YEATS2: variants seen among roughly 807,000 people sequenced by gnomAD.
The protein encoded by YEATS2 is YEATS domain-containing protein 2.
In YEATS2, 77 loss-of-function variants were observed where a neutral mutation model predicts 163.2. The observed-to-expected ratio is 0.47, with a 90% CI of 0.39 to 0.57. The LOEUF (loss-of-function observed/expected upper bound fraction) is 0.57. YEATS2 is among the 20% of genes least tolerant of loss of function. The pLI is 0.00. For missense variants in YEATS2, 1,549 were observed against 1,729.8 expected, an observed-to-expected ratio of 0.90 and a Z score of 1.85; for synonymous variants, 631 against 645.1, an observed-to-expected ratio of 0.98 and a Z score of 0.33.
Position 183,772,396 on chromosome 3 carries a change from G to A in YEATS2, c.2039G>A (p.Ser680Asn), listed in dbSNP as rs1162336466. The A allele has an allele frequency of 1.9e-6, 3 of 1,614,106 alleles. No homozygotes were observed. Among genetic ancestry groups the A allele is most frequent in the African/African-American group, 2.7e-5 (2 of 74,934 alleles). ...GGCCAGATCCTGGTAGCCAAGGCCA[G>A]CTCTTCTGTCTCCAAAGCAGTTGGG... ...SGGQILVAKA[S>N]SSVSKAVGPK... Residue 680 changes from serine to asparagine, a missense_variant, in exon 16 of 31, where the codon AGC (serine) becomes AAC (asparagine). Coordinates refer to ENST00000305135, the MANE Select transcript of YEATS2 (RefSeq NM_018023.5).
intron 6 of YEATS2, 84 bp downstream of exon 6, chr3:183,724,615 A>AG (rs1460397612): frequency 1.1e-6 from 1 of 937,392 alleles, no homozygotes; most frequent in Non-Finnish European, 1.6e-6. Context: ...TACAGTAGGA[A>AG]GCAGCCTCAG....
intron 8 of YEATS2, among the ~76,000 whole-genome samples, chr3:183,743,543 A>G (rs1232082746): frequency 6.6e-6 from 1 of 151,618 alleles, no homozygotes; most frequent in East Asian, 1.9e-4. Flanking sequence ...TTTTTTTTCC[A>G]CTGTGTTGCC....
intron 9 of YEATS2, among the ~76,000 whole-genome samples, chr3:183,751,208 T>A (rs990789331): frequency 6.6e-6 from 1 of 152,208 alleles, no homozygotes; most frequent in Admixed American, 6.5e-5. Context: ...TACTGTCTTT[T>A]CCCCCACTGA....
At chr3:183,740,253 A>G (rs1718804281) in intron 8 of YEATS2, among the ~76,000 whole-genome samples, 1 of 151,982 alleles carries the variant, frequency 6.6e-6, no homozygotes, top group African/African-American at 2.4e-5. Context: ...ACTCAAATTT[A>G]CAAGAAAAAA....
chr3:183,773,832 G>A (rs1180266290), intron 17 of YEATS2, 38 bp downstream of exon 17: 5 of 1,576,860 alleles, frequency 3.2e-6, no homozygotes, highest in Non-Finnish European at 4.3e-6. Context: ...TTGGTTCTTG[G>A]TTCTCTATGT....
intron 15 of YEATS2, 106 bp downstream of exon 15, chr3:183,762,385 T>G (rs1721458904): frequency 1.3e-5 from 18 of 1,360,844 alleles, no homozygotes; most frequent in Non-Finnish European, 1.7e-5. Flanking sequence ...GATGATCCCA[T>G]AAGAACCTGT....
At chr3:183,709,160 C>T (rs74712515) in intron 1 of YEATS2, among the ~76,000 whole-genome samples, 2,753 of 140,610 alleles carry the variant, frequency 0.02, 79 homozygotes, top group East Asian at 0.15. Flanking sequence ...GACTCTGTCT[C>T]AAAAAAAAAA....
chr3:183,725,834 T>C (rs1437582192), intron 6 of YEATS2, among the ~76,000 whole-genome samples: 5 of 152,226 alleles, frequency 3.3e-5, no homozygotes, highest in Non-Finnish European at 7.3e-5. Flanking sequence ...ACCTATTTCC[T>C]GTTCTTTTCT....
chr3:183,737,596 G>A (rs1415556071), intron 8 of YEATS2, among the ~76,000 whole-genome samples: 3 of 152,198 alleles, frequency 2.0e-5, no homozygotes, highest in African/African-American at 7.2e-5. Context: ...TTTCTATAAA[G>A]TGGGGCAAAT....
chr3:183,720,736 C>T (rs778029045), intron 4 of YEATS2, among the ~76,000 whole-genome samples: 4 of 152,072 alleles, frequency 2.6e-5, no homozygotes, highest in Admixed American at 6.6e-5. Context: ...TGTAAAAGGA[C>T]GGGTTTATTA....
rs1328539744 is a variant in YEATS2 at position 183,739,025 on chromosome 3, TAA to T, written c.924+2199_924+2200del. The stretch of plus-strand genomic sequence containing the variant: ...CTAGTTTACAGTCCCACCAACAGTG[TAA>T]AAGTGTTCCTATTTCTCCACATCCT... On this transcript the variant is annotated intron_variant, in intron 8 of 30. Coordinates refer to ENST00000305135, the MANE Select transcript of YEATS2 (RefSeq NM_018023.5). 4.9e-5 allele frequency among the ~76,000 whole-genome samples: 7 copies of T among 142,844 alleles called. No homozygotes were observed. In the South Asian group the frequency reaches 1.7e-3, roughly 34 times the overall value. The allele number at this position is 142,844 out of a possible 152,430, so 93.7% of individuals were successfully genotyped here. A position where few individuals can be genotyped will look rare whatever the true frequency, so the allele number is the denominator to read the frequency against.
At chr3:183,759,661 C>A (rs1359406033) in intron 13 of YEATS2, among the ~76,000 whole-genome samples, 1 of 152,168 alleles carries the variant, frequency 6.6e-6, no homozygotes, top group Non-Finnish European at 1.5e-5. Context: ...AAATGGCTCC[C>A]ACCTTACAGT....
intron 1 of YEATS2, among the ~76,000 whole-genome samples, chr3:183,714,503 T>C (rs1462073930): frequency 2.0e-5 from 3 of 152,070 alleles, no homozygotes; most frequent in Non-Finnish European, 4.4e-5. Flanking sequence ...GCCGGGATTT[T>C]TTTTTTAATG....
intron 14 of YEATS2, 38 bp from the exon 15 acceptor site, chr3:183,762,059 T>G: frequency 6.2e-7 from 1 of 1,613,750 alleles, no homozygotes; most frequent in Non-Finnish European, 8.5e-7. Context: ...ATGGGATGTT[T>G]ATGGATGTTT....
intron 9 of YEATS2, among the ~76,000 whole-genome samples, chr3:183,750,989 G>A (rs1482077072): frequency 1.3e-5 from 2 of 152,138 alleles, no homozygotes; most frequent in Non-Finnish European, 2.9e-5. Context: ...TTTGTTGCCT[G>A]TGCTTTTGGT....
At chr3:183,754,420 T>C in intron 11 of YEATS2, 55 bp downstream of exon 11, 1 of 1,543,936 alleles carries the variant, frequency 6.5e-7, no homozygotes, top group East Asian at 2.3e-5. Context: ...GTTAAAATTG[T>C]TGGAACAACA....
At chr3:183,767,308 C>T (rs1162884289) in intron 15 of YEATS2, among the ~76,000 whole-genome samples, 3 of 152,278 alleles carry the variant, frequency 2.0e-5, no homozygotes, top group African/African-American at 7.2e-5. Context: ...TCACTGCAAC[C>T]TCTGTCTCCT....
At chr3:183,700,418 T>G (rs1276507669) in intron 1 of YEATS2, among the ~76,000 whole-genome samples, 2 of 152,076 alleles carry the variant, frequency 1.3e-5, no homozygotes, top group East Asian at 3.8e-4. Context: ...AACTACGGAT[T>G]TTTATTTGAA....
chr3:183,717,744 A>G lies in YEATS2; in HGVS notation c.194A>G (p.Asp65Gly), dbSNP rs768868968. The G allele has an allele frequency of 3.2e-6, 5 of 1,539,094 alleles. No homozygotes were observed. Among genetic ancestry groups the G allele is most frequent in the Non-Finnish European group, 4.4e-6 (5 of 1,148,072 alleles). Residue 65 changes from aspartate to glycine, a missense_variant, in exon 3 of 31, where the codon GAC (aspartate) becomes GGC (glycine). Coordinates refer to ENST00000305135, the MANE Select transcript of YEATS2 (RefSeq NM_018023.5). ...KNKEHEIEVI[D>G]QRLIEARRMM... The stretch of plus-strand genomic sequence containing the variant: ...AAGGAACATGAAATTGAAGTCATTG[A>G]CCAGGTATAATGATGATAAATTGAA...
Sources: gnomAD v4.1 joint callset for allele counts (sites outside exome capture counted in the v4.1 genomes callset) on GRCh38, gnomAD v4.1.1 for gene constraint, MANE v1.5 for transcripts, NCBI Gene and HGNC (gene_info 2026-07-23, HGNC 2026-07-21) for gene names.